The following DOCK2 variants were observed in gnomAD, a reference collection of about 807,000 sequenced individuals.
DOCK2 encodes the protein dedicator of cytokinesis protein 2.
Under a neutral mutation model 248.9 loss-of-function variants are expected in DOCK2, and 87 were observed. That is an observed-to-expected ratio of 0.35 (90% CI 0.29 to 0.42). DOCK2 has a LOEUF of 0.42. Ranked by LOEUF, DOCK2 falls within the 10% of genes least tolerant of loss-of-function variation. The pLI is 1.00. For missense variants in DOCK2, 1,747 were observed against 2,300.2 expected, an observed-to-expected ratio of 0.76 and a Z score of 4.92; for synonymous variants, 805 against 821.6, an observed-to-expected ratio of 0.98 and a Z score of 0.35.
chr5:169,765,614 G>A (rs143081579), intron 25 of DOCK2, among the ~76,000 whole-genome samples: 1 of 152,312 alleles, frequency 6.6e-6, no homozygotes, highest in African/African-American at 2.4e-5. Flanking sequence ...GCACCATCTG[G>A]TTCAGTGTAA....
At chr5:169,841,400 GA>G (rs1769965426) in intron 27 of DOCK2, 1 of 987,290 alleles carries the variant, frequency 1.0e-6, no homozygotes, top group African/African-American at 1.7e-5. Context: ...TCCCGACACA[GA>G]ACCCAGCTCG....
intron 27 of DOCK2, among the ~76,000 whole-genome samples, chr5:169,909,675 A>T (rs969196654): frequency 6.6e-6 from 1 of 152,218 alleles, no homozygotes; most frequent in Non-Finnish European, 1.5e-5. Flanking sequence ...CTAAACCTAT[A>T]ATACATCTAC....
intron 27 of DOCK2, among the ~76,000 whole-genome samples, chr5:169,980,099 G>T (rs535929247): frequency 6.6e-6 from 1 of 152,236 alleles, no homozygotes; most frequent in East Asian, 1.9e-4. Flanking sequence ...GGGGCAGCCT[G>T]CAGTTCTGAC....
intron 40 of DOCK2, among the ~76,000 whole-genome samples, chr5:170,049,092 T>A (rs1247084215): frequency 6.6e-6 from 1 of 152,122 alleles, no homozygotes; most frequent in Non-Finnish European, 1.5e-5. Flanking sequence ...GAGAACTTGT[T>A]AAAAGTGCAG....
chr5:169,711,836 T>C, intron 15 of DOCK2, 99 bp from the exon 16 acceptor site: 1 of 1,277,222 alleles, frequency 7.8e-7, no homozygotes, highest in East Asian at 2.3e-5. Flanking sequence ...GGCAGCTCTC[T>C]CAGTTAAATG....
At chr5:169,848,561 A>G (rs1770452816) in intron 27 of DOCK2, among the ~76,000 whole-genome samples, 1 of 152,256 alleles carries the variant, frequency 6.6e-6, no homozygotes, top group South Asian at 2.1e-4. Flanking sequence ...ATGGGGATGA[A>G]CAATCCCATA....
intron 32 of DOCK2, among the ~76,000 whole-genome samples, chr5:170,011,856 A>G (rs1306130571): frequency 1.3e-5 from 2 of 152,240 alleles, no homozygotes; most frequent in African/African-American, 2.4e-5. Flanking sequence ...CTGGAGGGGC[A>G]GTAGCCATCT....
chr5:169,883,853 T>TA (rs1772817545), intron 27 of DOCK2: 1 of 1,535,384 alleles, frequency 6.5e-7, no homozygotes, highest in Non-Finnish European at 8.8e-7. Flanking sequence ...TCTAGACTGT[T>TA]ACGCTTTAGA....
chr5:169,715,944 G>T (rs528012417), intron 19 of DOCK2, among the ~76,000 whole-genome samples: 1 of 152,290 alleles, frequency 6.6e-6, no homozygotes, highest in East Asian at 1.9e-4. Context: ...CCTCATTTCT[G>T]CCTGTGGAAG....
At chr5:169,797,048 A>G (rs1038693769) in intron 25 of DOCK2, among the ~76,000 whole-genome samples, 1 of 152,198 alleles carries the variant, frequency 6.6e-6, no homozygotes, top group Non-Finnish European at 1.5e-5. Flanking sequence ...GAGACTTGAC[A>G]CAGAACATGA....
intron 19 of DOCK2, 23 bp downstream of exon 19, chr5:169,714,480 T>G: frequency 1.2e-6 from 2 of 1,612,908 alleles, no homozygotes; most frequent in Admixed American, 3.3e-5. Flanking sequence ...TCATTTTGAT[T>G]GTATTCTTAC....
intron 1 of DOCK2, among the ~76,000 whole-genome samples, chr5:169,652,387 A>G (rs1263233148): frequency 6.6e-6 from 1 of 152,250 alleles, no homozygotes; most frequent in Non-Finnish European, 1.5e-5. Flanking sequence ...CAAAAGCCAC[A>G]TCTGTCTGAC....
rs1214528189 is a variant in DOCK2, at chr5:169,899,558, A to T, written c.2799+58706A>T. Among the ~76,000 whole-genome samples, 5 of 152,190 alleles carry T rather than the reference A, an allele frequency of 3.3e-5. No homozygotes were observed. In the East Asian group the frequency reaches 7.7e-4, roughly 23 times the overall value. On this transcript the variant is annotated intron_variant, in intron 27 of 51. Coordinates refer to ENST00000520908, the MANE Select transcript of DOCK2 (RefSeq NM_004946.3). ...AAAAGATCAATAATGGAGAATATAA[A>T]TGTTTGTGCAGAGCTGCTTGGGCAC...
intron 27 of DOCK2, among the ~76,000 whole-genome samples, chr5:169,907,175 T>G (rs1019717256): frequency 2.0e-5 from 3 of 152,220 alleles, no homozygotes; most frequent in African/African-American, 7.2e-5. Context: ...TGAGGCATTT[T>G]GGTCACCAGT....
intron 50 of DOCK2, chr5:170,081,310 C>G (rs1758022444): frequency 1.3e-5 from 2 of 156,608 alleles, no homozygotes; most frequent in Admixed American, 1.2e-4. Context: ...TCACCACACC[C>G]TGGCGGTCTG....
intron 20 of DOCK2, among the ~76,000 whole-genome samples, chr5:169,717,158 C>T (rs1419697617): frequency 2.6e-5 from 4 of 152,190 alleles, no homozygotes; most frequent in African/African-American, 9.7e-5. Flanking sequence ...TGACATTTCT[C>T]AAAACCTATT....
chr5:169,689,202 T>C (rs1561602131), intron 8 of DOCK2, 50 bp from the exon 9 acceptor site: 1 of 1,580,880 alleles, frequency 6.3e-7, no homozygotes, highest in Non-Finnish European at 8.7e-7. Flanking sequence ...TTTGACTAAA[T>C]GGATGTCAGG....
chr5:169,892,908 T>C (rs1413116177), intron 27 of DOCK2, among the ~76,000 whole-genome samples: 1 of 152,004 alleles, frequency 6.6e-6, no homozygotes, highest in South Asian at 2.1e-4. Context: ...TTCCCCTTCT[T>C]CTCTTCTGTT....
intron 44 of DOCK2, among the ~76,000 whole-genome samples, chr5:170,062,669 C>CT (rs1757372552): frequency 6.6e-6 from 1 of 152,182 alleles, no homozygotes. Flanking sequence ...CTTATCAACT[C>CT]TGAGACTGCG....
Sources: allele counts gnomAD v4.1 joint callset (sites outside exome capture counted in the v4.1 genomes callset), GRCh38; gene constraint gnomAD v4.1.1; transcripts MANE v1.5; gene names NCBI Gene and HGNC (gene_info 2026-07-23, HGNC 2026-07-21).